COL28A1: variants seen among roughly 807,000 people sequenced by gnomAD.
The protein encoded by COL28A1 is collagen alpha-1(XXVIII) chain.
A neutral mutation model predicts 150.2 loss-of-function variants in COL28A1; 161 were observed. The observed-to-expected ratio is 1.07, with a 90% confidence interval of 0.94 to 1.22. COL28A1 has a LOEUF of 1.22. Ranked by LOEUF, COL28A1 falls within the 50% of genes most tolerant of loss-of-function variation. COL28A1 has a pLI of 0.00. For synonymous variants in COL28A1, 552 were observed against 469.7 expected, an observed-to-expected ratio of 1.18 and a Z score of -2.26; for missense variants, 1,617 against 1,388.3, an observed-to-expected ratio of 1.16 and a Z score of -2.62.
At chr7:7,451,973 C>T (rs377346847) in intron 18 of COL28A1, among the ~76,000 whole-genome samples, 84 of 152,196 alleles carry the variant, frequency 5.5e-4, no homozygotes, top group African/African-American at 1.9e-3. Context: ...GATGACTTAT[C>T]GAAACTGTGA....
At chr7:7,378,951 C>A (rs1269303293) in intron 30 of COL28A1, among the ~76,000 whole-genome samples, 1 of 152,204 alleles carries the variant, frequency 6.6e-6, no homozygotes, top group African/African-American at 2.4e-5. Context: ...CAAGCTCTGT[C>A]CAAATCCCCT....
downstream of COL28A1, among the ~76,000 whole-genome samples, chr7:7,353,567 C>G (rs1469109496): frequency 1.3e-5 from 2 of 152,150 alleles, no homozygotes; most frequent in Non-Finnish European, 2.9e-5. Context: ...TCATTGAGAC[C>G]TGTGCCTCAG....
At chr7:7,492,174 T>G (rs184993979) in intron 11 of COL28A1, among the ~76,000 whole-genome samples, 156 of 152,240 alleles carry the variant, frequency 1.0e-3, no homozygotes, top group Admixed American at 4.9e-3. Context: ...AAAGGAGTTT[T>G]CAGAAATATT....
At chr7:7,348,179 G>T in the COL28A1 span, among the ~76,000 whole-genome samples, 2 of 152,024 alleles carry the variant, frequency 1.3e-5, no homozygotes, top group Admixed American at 6.6e-5. Context: ...TTTTGATGCC[G>T]TTAACTAAGA....
At position 7,441,198 on chromosome 7, in the gene COL28A1, G is replaced by A. The variant is rs146773581; in HGVS notation, c.1651-337C>T. Among the ~76,000 whole-genome samples the A allele has an allele frequency of 7.2e-5, 11 of 152,300 alleles. 1 individual carries two copies. The East Asian group carries it at 2.1e-3, about 29-fold the overall frequency. ...GAGACATTCACAGTTTCAGAAATGA[G>A]TACTATCTATGCTTTTTCATGCTGT... On this transcript the variant is annotated intron_variant, in intron 20 of 34. Coordinates refer to ENST00000399429, the MANE Select transcript of COL28A1 (RefSeq NM_001037763.3).
intron 15 of COL28A1, among the ~76,000 whole-genome samples, chr7:7,472,805 G>A (rs1324364045): frequency 6.6e-6 from 1 of 152,146 alleles, no homozygotes; most frequent in East Asian, 1.9e-4. Context: ...AAAACAGCAT[G>A]GTACTGGTAT....
rs750285702 is a variant in COL28A1 at position 7,360,405 on chromosome 7, C to A, written c.3190G>T (p.Val1064Leu). The change falls in exon 34 of 35, where the codon GTG (valine) becomes TTG (leucine). Residue 1064 changes from valine (V) to leucine (L), a missense_variant. Transcript: ENST00000399429. ...GTTTACCTACCCTCTGCCCCATCCA[C>A]AGGGGTGCTGAGCAGTGGCCTGGGG... is the stretch of plus-strand genomic sequence containing the variant. ...TTPRPLLSTPVDGAEDPRCLE... is the reference protein window; with the variant it reads ...TTPRPLLSTPLDGAEDPRCLE... The A allele has an allele frequency of 4.4e-6, 7 of 1,587,730 alleles. No individual in the cohort carries two copies. The highest frequency in any genetic ancestry group is 1.4e-5 in the African/African-American group (1 of 73,134).
At chr7:7,339,124 A>C in the COL28A1 span, among the ~76,000 whole-genome samples, 5 of 152,182 alleles carry the variant, frequency 3.3e-5, no homozygotes, top group Admixed American at 6.6e-5. Context: ...TATTTGAGTG[A>C]TAATAAATGC....
At chr7:7,516,486 T>A (rs1388409118) in intron 7 of COL28A1, among the ~76,000 whole-genome samples, 1 of 152,208 alleles carries the variant, frequency 6.6e-6, no homozygotes, top group Non-Finnish European at 1.5e-5. Context: ...TACAGCCTTT[T>A]CCATTGTGTC....
intron 5 of COL28A1, among the ~76,000 whole-genome samples, chr7:7,520,608 G>A (rs554921360): frequency 6.6e-6 from 1 of 152,162 alleles, no homozygotes; most frequent in Non-Finnish European, 1.5e-5. Context: ...CTGTAATCCT[G>A]TTCCAGAAAA....
At chr7:7,542,772 G>T in the COL28A1 span, among the ~76,000 whole-genome samples, 7 of 152,142 alleles carry the variant, frequency 4.6e-5, no homozygotes, top group Non-Finnish European at 1.0e-4. Context: ...AATAATGGCA[G>T]GAAAACAAGC....
intron 27 of COL28A1, among the ~76,000 whole-genome samples, chr7:7,411,564 C>T (rs1783793845): frequency 6.6e-6 from 1 of 152,100 alleles, no homozygotes; most frequent in Admixed American, 6.5e-5. Context: ...TGATCCTTTC[C>T]TGCTCATCTC....
intron 32 of COL28A1, among the ~76,000 whole-genome samples, chr7:7,372,443 G>C (rs904451599): frequency 1.7e-5 from 2 of 115,076 alleles, no homozygotes; most frequent in South Asian, 2.6e-4. Flanking sequence ...ATAAATAAAT[G>C]GTTGTTCTTT....
At chr7:7,339,105 A>C in the COL28A1 span, among the ~76,000 whole-genome samples, 1 of 152,184 alleles carries the variant, frequency 6.6e-6, no homozygotes, top group Non-Finnish European at 1.5e-5. Flanking sequence ...CAACCAACTC[A>C]TTCGTAGATA....
chr7:7,386,464 C>G (rs1161350475), intron 27 of COL28A1, among the ~76,000 whole-genome samples: 12 of 152,142 alleles, frequency 7.9e-5, no homozygotes, highest in Admixed American at 7.2e-4. Context: ...GCTGTGGTTG[C>G]AGGGCATCCC....
At chr7:7,433,683 T>C (rs1036102821) in intron 23 of COL28A1, among the ~76,000 whole-genome samples, 1 of 152,094 alleles carries the variant, frequency 6.6e-6, no homozygotes, top group Non-Finnish European at 1.5e-5. Flanking sequence ...ATTACACTTT[T>C]ATTTAAAACT....
rs1263261893 is a variant in COL28A1, at chr7:7,373,974, C to G, written c.2360-428G>C. Among the ~76,000 whole-genome samples, 1 of 146,940 alleles carries G rather than the reference C, an allele frequency of 6.8e-6. No individual in the cohort carries two copies. The highest frequency in any genetic ancestry group is 1.5e-5 in the Non-Finnish European group (1 of 67,382). On this transcript the variant is annotated intron_variant, in intron 31 of 34. Transcript: ENST00000399429. The surrounding 1 kb of genome is among the most constrained non-coding windows in gnomAD (Gnocchi z 4.1). ...TCGGCCTCCCAAAGTGCTGGGATTA[C>G]AGGCGTGAGCCACCGCGCCCGGCCC...
chr7:7,479,193 T>C (rs1370219457), intron 13 of COL28A1, among the ~76,000 whole-genome samples: 1 of 152,260 alleles, frequency 6.6e-6, no homozygotes, highest in Non-Finnish European at 1.5e-5. Flanking sequence ...AAGGAATGGC[T>C]AATGACTGTG....
At chr7:7,515,962 A>G in intron 7 of COL28A1, 122 bp from the exon 8 acceptor site, 1 of 606,242 alleles carries the variant, frequency 1.6e-6, no homozygotes, top group East Asian at 3.0e-5. Context: ...GGAAAATTAG[A>G]TCATAGAAAT....
Sources: gnomAD v4.1 joint callset for allele counts (sites outside exome capture counted in the v4.1 genomes callset) on GRCh38, gnomAD v4.1.1 for gene constraint, Gnocchi (gnomAD v3.1) non-coding constraint, MANE v1.5 for transcripts, NCBI Gene and HGNC (gene_info 2026-07-23, HGNC 2026-07-21) for gene names.